Variants in ZBTB44 observed in about 807,000 individuals in gnomAD.
ZBTB44 encodes the protein zinc finger and BTB domain-containing protein 44.
ZBTB44 carries 15 observed loss-of-function variants against 54.0 expected under a neutral mutation model. That is an observed-to-expected ratio of 0.28 (90% confidence interval 0.19 to 0.43). ZBTB44 has a LOEUF of 0.43. Ranked by LOEUF, ZBTB44 falls within the 20% of genes least tolerant of loss-of-function variation. The pLI is 1.00. For missense variants in ZBTB44, 487 were observed against 707.1 expected, an observed-to-expected ratio of 0.69 and a Z score of 3.53; for synonymous variants, 230 against 250.1, an observed-to-expected ratio of 0.92 and a Z score of 0.76.
intron 3 of ZBTB44, 27 bp downstream of exon 3, chr11:130,239,785 G>T: frequency 6.3e-7 from 1 of 1,585,334 alleles, no homozygotes; most frequent in South Asian, 1.1e-5. Context: ...CCCTTAAGAG[G>T]TAACGAAATG....
chr11:130,282,371 G>A (rs774563901), intron 1 of ZBTB44, among the ~76,000 whole-genome samples: 2 of 152,092 alleles, frequency 1.3e-5, no homozygotes, highest in Non-Finnish European at 2.9e-5. Context: ...GACTACTGAA[G>A]GTACCTCATA....
intron 3 of ZBTB44, 83 bp downstream of exon 3, chr11:130,239,729 T>G: frequency 1.8e-6 from 2 of 1,134,554 alleles, no homozygotes; most frequent in Non-Finnish European, 2.6e-6. Flanking sequence ...AATAAACTTC[T>G]ACAACTCTTG....
At chr11:130,288,429 G>A (rs550767308) in intron 1 of ZBTB44, among the ~76,000 whole-genome samples, 15 of 151,816 alleles carry the variant, frequency 9.9e-5, no homozygotes, top group Non-Finnish European at 2.1e-4. Flanking sequence ...TTTCAAGTAG[G>A]TAGCCTCTGG....
At position 130,255,338 on chromosome 11, in the gene ZBTB44, C is replaced by T. The variant is rs575235530; in HGVS notation, c.1018+5518G>A. On this transcript the variant is annotated intron_variant, in intron 2 of 7. Transcript: ENST00000357899. ...AATAACGAAATTAAGGCAGAAATAA[C>T]GAAGTTCTCTGAAACCAATGAGAAC... Among the ~76,000 whole-genome samples the T allele has an allele frequency of 1.7e-3, 254 of 152,244 alleles. 5 individuals carry two copies. The South Asian group carries it at 0.034, about 21-fold the overall frequency.
At chr11:130,296,790 T>C (rs1941679573) in intron 1 of ZBTB44, 2 of 765,096 alleles carry the variant, frequency 2.6e-6, no homozygotes, top group Admixed American at 3.5e-5. Context: ...CCAGGAAGCA[T>C]ATAAGTCATA....
intron 2 of ZBTB44, among the ~76,000 whole-genome samples, chr11:130,258,713 G>A (rs1194967533): frequency 2.0e-5 from 3 of 152,216 alleles, no homozygotes; most frequent in Admixed American, 1.3e-4. Context: ...AGGGATTTCT[G>A]AGAACATAGG....
intron 2 of ZBTB44, among the ~76,000 whole-genome samples, chr11:130,244,717 T>C (rs1954569059): frequency 3.3e-5 from 5 of 151,184 alleles, no homozygotes; most frequent in Admixed American, 3.3e-4. Context: ...TAACAGTTTG[T>C]ACACCACTAC....
At chr11:130,302,953 G>A (rs989788987) in intron 1 of ZBTB44, among the ~76,000 whole-genome samples, 26 of 152,090 alleles carry the variant, frequency 1.7e-4, no homozygotes, top group African/African-American at 5.8e-4. Context: ...CCAGCCTGGG[G>A]GACCAGAGTG....
In ZBTB44 at chr11:130,261,588, T is replaced by C. The variant is rs1018795041; in HGVS notation, c.286A>G (p.Ile96Val). 2 of 1,613,928 alleles carry C rather than the reference T, an allele frequency of 1.2e-6. No homozygotes were observed. ...LEYAYTATLS[I>V]NTENIIDVLA... is the part of the protein sequence containing the mutation. Reference sequence around the variant, plus strand: ...ACATCAATAATATTTTCTGTGTTAATTGATAGAGTGGCTGTGTAAGCATAT... The same window carrying C: ...ACATCAATAATATTTTCTGTGTTAACTGATAGAGTGGCTGTGTAAGCATAT... The change falls in exon 2 of 8, where the codon ATT becomes GTT. Residue 96 changes from isoleucine to valine, a missense_variant. Physicochemically the swap from Ile to Val is conservative, Grantham distance 29. Coordinates refer to ENST00000357899, the MANE Select transcript of ZBTB44 (RefSeq NM_001301098.2). The surrounding 1 kb of genome is among the most constrained non-coding windows in gnomAD (Gnocchi z 4.8).
chr11:130,244,495 A>G (rs1591941359), intron 2 of ZBTB44, among the ~76,000 whole-genome samples: 1 of 152,082 alleles, frequency 6.6e-6, no homozygotes, highest in South Asian at 2.1e-4. Context: ...GTGAAACCCC[A>G]TCTCTACTAA....
rs1055568314 is a variant in ZBTB44 at position 130,231,299 on chromosome 11, C to T, written c.*465G>A. 5.9e-5 allele frequency: 9 copies of T among 151,850 alleles called. No individual in the cohort carries two copies. The highest frequency in any genetic ancestry group is 2.2e-4 in the African/African-American group (9 of 41,336). The allele number at this position is 151,850 out of a possible 1,614,324, so 9.4% of individuals were successfully genotyped here. ...GTACATATATATCAAGAAAAATGTA[C>T]CCTCACTGAAATAGAAAAAGGCCTT... On this transcript the variant is annotated 3_prime_UTR_variant, in exon 8 of 8. Transcript: ENST00000357899.
chr11:130,267,651 A>G (rs1939350931), intron 1 of ZBTB44, among the ~76,000 whole-genome samples: 1 of 152,152 alleles, frequency 6.6e-6, no homozygotes, highest in South Asian at 2.1e-4. Context: ...TCCTGGCCTC[A>G]GCATTGCAAA....
rs11322495 is a variant in ZBTB44, at chr11:130,294,538, CAAAAAAAA to C, written c.-57+19829_-57+19836del. On this transcript the variant is annotated intron_variant, in intron 1 of 7. Transcript: ENST00000357899. ...GGATTTACACAAAGGTCTATATGACCAAAAAAAAAAAAAAAAAAAAAAAAAAAAAAATC... is the reference window on the plus strand; with the variant it reads ...GGATTTACACAAAGGTCTATATGACCAAAAAAAAAAAAAAAAAAAAAAATC... 2.6e-3 allele frequency among the ~76,000 whole-genome samples: 127 copies of C among 48,660 alleles called. 1 individual carries two copies. The highest frequency in any genetic ancestry group is 6.1e-3 in the African/African-American group (89 of 14,532). 31.9% of individuals were successfully genotyped at this position (48,660 alleles called of 152,430 possible). A position where few individuals can be genotyped will look rare whatever the true frequency, so the allele number is the denominator to read the frequency against.
At chr11:130,297,686 G>A (rs1347247167) in intron 1 of ZBTB44, among the ~76,000 whole-genome samples, 1 of 152,196 alleles carries the variant, frequency 6.6e-6, no homozygotes, top group Admixed American at 6.5e-5. Flanking sequence ...AAGAGACGTG[G>A]AACAAGAGAT....
intron 1 of ZBTB44, among the ~76,000 whole-genome samples, chr11:130,271,398 G>A (rs750206571): frequency 2.6e-5 from 4 of 152,106 alleles, no homozygotes; most frequent in Admixed American, 6.5e-5. Flanking sequence ...GGCAGTAAAT[G>A]CCTTCTGGAA....
At chr11:130,266,228 G>A (rs1475945830) in intron 1 of ZBTB44, among the ~76,000 whole-genome samples, 2 of 152,218 alleles carry the variant, frequency 1.3e-5, no homozygotes, top group African/African-American at 4.8e-5. Context: ...AAACAACACA[G>A]CCTGATGACA....
chr11:130,236,696 G>C (rs1176735529), intron 5 of ZBTB44, 97 bp downstream of exon 5: 3 of 1,227,236 alleles, frequency 2.4e-6, no homozygotes, highest in Non-Finnish European at 3.1e-6. Context: ...CTGACTAGCT[G>C]GCAACCTGAT....
At chr11:130,269,260 G>A (rs1165659906) in intron 1 of ZBTB44, among the ~76,000 whole-genome samples, 2 of 151,484 alleles carry the variant, frequency 1.3e-5, no homozygotes, top group African/African-American at 2.4e-5. Context: ...TTGCACTCCA[G>A]CCTGGGCAAA....
chr11:130,300,921 C>T lies in ZBTB44; in HGVS notation c.-57+13454G>A, dbSNP rs562973262. 4.6e-5 allele frequency among the ~76,000 whole-genome samples: 7 copies of T among 151,858 alleles called. No individual in the cohort carries two copies. The East Asian group carries it at 9.7e-4, about 21-fold the overall frequency. ...AGCTGGACAAAAGTAAGGGGTCAGG[C>T]GAGGATACTGATTTTTTACAGAATG... is the stretch of plus-strand genomic sequence containing the variant. On this transcript the variant is annotated intron_variant, in intron 1 of 7. Coordinates refer to ENST00000357899, the MANE Select transcript of ZBTB44 (RefSeq NM_001301098.2).
Sources: gnomAD v4.1 joint callset for allele counts (sites outside exome capture counted in the v4.1 genomes callset) on GRCh38, gnomAD v4.1.1 for gene constraint, Gnocchi (gnomAD v3.1) non-coding constraint, MANE v1.5 for transcripts, NCBI Gene and HGNC (gene_info 2026-07-23, HGNC 2026-07-21) for gene names.